The following GALNT17 variants were observed in gnomAD, a reference collection of about 807,000 sequenced individuals.
The protein encoded by GALNT17 is UDP-GalNAc:polypeptide N-acetylgalactosaminyltransferase-like 3.
A neutral mutation model predicts 63.7 loss-of-function variants in GALNT17; 29 were observed. The ratio of observed to expected loss-of-function variants is 0.46; its 90% CI spans 0.34 to 0.62. GALNT17 has a LOEUF of 0.62. Among genes scored for constraint, GALNT17 ranks in the 20% least tolerant of loss-of-function variants. The probability of loss-of-function intolerance (pLI) is 0.01; values close to 1 mark genes in which losing one functional copy is unlikely to be tolerated. For missense variants in GALNT17, 603 were observed against 799.6 expected, an observed-to-expected ratio of 0.75 and a Z score of 2.97; for synonymous variants, 305 against 318.3, an observed-to-expected ratio of 0.96 and a Z score of 0.45.
At chr7:71,277,137 C>G (rs1264636844) in intron 1 of GALNT17, among the ~76,000 whole-genome samples, 2 of 152,150 alleles carry the variant, frequency 1.3e-5, no homozygotes, top group Admixed American at 1.3e-4. Context: ...GTTATATACA[C>G]CATGGAATAC....
intron 9 of GALNT17, among the ~76,000 whole-genome samples, chr7:71,690,304 G>A (rs566834493): frequency 3.3e-5 from 5 of 151,706 alleles, no homozygotes; most frequent in South Asian, 4.2e-4. Context: ...GATTACAGGC[G>A]TGAGCCACAA....
chr7:71,388,114 G>C, intron 2 of GALNT17, 121 bp from the exon 3 acceptor site: 1 of 1,044,174 alleles, frequency 9.6e-7, no homozygotes, highest in Middle Eastern at 2.5e-4. Context: ...AAGGGAACCA[G>C]TGATTCACGC....
At chr7:71,187,106 T>G (rs1356388280) in intron 1 of GALNT17, among the ~76,000 whole-genome samples, 5 of 152,048 alleles carry the variant, frequency 3.3e-5, no homozygotes, top group African/African-American at 1.2e-4. Flanking sequence ...CAACTTTTAG[T>G]AGATACTTAA....
intron 5 of GALNT17, among the ~76,000 whole-genome samples, chr7:71,565,086 G>A (rs1403695642): frequency 6.6e-6 from 1 of 152,112 alleles, no homozygotes; most frequent in Non-Finnish European, 1.5e-5. Flanking sequence ...GGCCAACATG[G>A]TGCAACCCTG....
At chr7:71,288,570 A>G (rs933057157) in intron 1 of GALNT17, among the ~76,000 whole-genome samples, 4 of 152,138 alleles carry the variant, frequency 2.6e-5, no homozygotes, top group African/African-American at 9.7e-5. Context: ...GCAGGTTGCA[A>G]ACTTTCAGAG....
chr7:71,197,019 G>A (rs1302152766), intron 1 of GALNT17, among the ~76,000 whole-genome samples: 2 of 151,832 alleles, frequency 1.3e-5, no homozygotes, highest in Non-Finnish European at 2.9e-5. Flanking sequence ...TGTTTATAGA[G>A]TACATGAGAT....
intron 6 of GALNT17, among the ~76,000 whole-genome samples, chr7:71,606,826 A>C: frequency 6.6e-6 from 1 of 152,330 alleles, no homozygotes; most frequent in South Asian, 2.1e-4. Context: ...TCTGGATCAC[A>C]GTTCTCTACA....
intron 1 of GALNT17, among the ~76,000 whole-genome samples, chr7:71,253,929 G>A (rs1790245415): frequency 6.6e-6 from 1 of 152,202 alleles, no homozygotes; most frequent in Non-Finnish European, 1.5e-5. Context: ...GATATTTGAA[G>A]AGATTTGTTC....
At chr7:71,144,119 C>T (rs890165825) in intron 1 of GALNT17, among the ~76,000 whole-genome samples, 7 of 152,162 alleles carry the variant, frequency 4.6e-5, no homozygotes, top group Admixed American at 3.9e-4. Context: ...TGAGCCCTCT[C>T]TCAGGCTCCC....
chr7:71,674,040 G>C (rs932130404), intron 8 of GALNT17, among the ~76,000 whole-genome samples: 1 of 152,168 alleles, frequency 6.6e-6, no homozygotes, highest in African/African-American at 2.4e-5. Context: ...GTGGCATTGG[G>C]GGTGACATTG....
At chr7:71,416,641 A>G (rs1793531179) in intron 4 of GALNT17, among the ~76,000 whole-genome samples, 1 of 152,168 alleles carries the variant, frequency 6.6e-6, no homozygotes, top group Non-Finnish European at 1.5e-5. Context: ...AAAACGGTGT[A>G]TCAATTAGAT....
At chr7:71,693,311 T>TATATATATGGAGACA (rs1791489998) in intron 9 of GALNT17, among the ~76,000 whole-genome samples, 1 of 141,210 alleles carries the variant, frequency 7.1e-6, no homozygotes, top group African/African-American at 2.7e-5. Context: ...CACACACACA[T>TATATATATGGAGACA]ATATATATAT....
At chr7:71,499,719 G>A (rs1584005479) in intron 5 of GALNT17, among the ~76,000 whole-genome samples, 1 of 152,190 alleles carries the variant, frequency 6.6e-6, no homozygotes, top group African/African-American at 2.4e-5. Flanking sequence ...CTCCTCCGGA[G>A]CCATTTCTAA....
chr7:71,298,894 C>T (rs1791135988), intron 1 of GALNT17, among the ~76,000 whole-genome samples: 2 of 152,080 alleles, frequency 1.3e-5, no homozygotes, highest in Admixed American at 1.3e-4. Context: ...CTGCCCGGGA[C>T]ATTGGGCCAG....
intron 1 of GALNT17, among the ~76,000 whole-genome samples, chr7:71,146,002 G>A (rs1243068023): frequency 1.3e-5 from 2 of 152,098 alleles, no homozygotes; most frequent in Admixed American, 1.3e-4. Flanking sequence ...CACCGTACGG[G>A]GCCCGTATGG....
At chr7:71,409,449 C>T (rs2116414252) in intron 3 of GALNT17, among the ~76,000 whole-genome samples, 1 of 152,304 alleles carries the variant, frequency 6.6e-6, no homozygotes, top group African/African-American at 2.4e-5. Context: ...GGAACACTCA[C>T]TCATCTAAGC....
intron 1 of GALNT17, among the ~76,000 whole-genome samples, chr7:71,229,413 A>G (rs1160522774): frequency 6.6e-6 from 1 of 151,970 alleles, no homozygotes; most frequent in East Asian, 1.9e-4. Context: ...CTGGACCCAG[A>G]CTCATGTTTT....
intron 6 of GALNT17, among the ~76,000 whole-genome samples, chr7:71,622,030 A>G (rs894218602): frequency 6.6e-6 from 1 of 152,180 alleles, no homozygotes; most frequent in Non-Finnish European, 1.5e-5. Context: ...TAATCTACCC[A>G]ACTCCTTTGC....
chr7:71,226,562 C>T (rs1382493050), intron 1 of GALNT17, among the ~76,000 whole-genome samples: 1 of 152,130 alleles, frequency 6.6e-6, no homozygotes, highest in Non-Finnish European at 1.5e-5. Flanking sequence ...CATGATCAAC[C>T]TCTGCCTCCC....
Sources: allele counts gnomAD v4.1 joint callset (sites outside exome capture counted in the v4.1 genomes callset), GRCh38; gene constraint gnomAD v4.1.1; transcripts MANE v1.5; gene names NCBI Gene and HGNC (gene_info 2026-07-23, HGNC 2026-07-21).